TEAD4: variants seen among roughly 807,000 people sequenced by gnomAD.
TEAD4 encodes TEA domain transcription factor 4, also known as transcriptional enhancer factor TEF-3.
Under a neutral mutation model 52.4 loss-of-function variants are expected in TEAD4, and 36 were observed. That is an observed-to-expected ratio of 0.69 (90% CI 0.53 to 0.91). The LOEUF (loss-of-function observed/expected upper bound fraction) is 0.91. TEAD4 is among the 40% of genes least tolerant of loss of function. The probability of loss-of-function intolerance (pLI) is 0.00; values close to 1 mark genes in which losing one functional copy is unlikely to be tolerated. For missense variants in TEAD4, 508 were observed against 583.9 expected (o/e 0.87, Z 1.34); for synonymous variants, 220 against 231.0 (o/e 0.95, Z 0.43).
At chr12:3,013,896 A>G (rs2098262369) in intron 5 of TEAD4, among the ~76,000 whole-genome samples, 1 of 151,982 alleles carries the variant, frequency 6.6e-6, no homozygotes, top group African/African-American at 2.4e-5. Flanking sequence ...TATTTTTTAT[A>G]TTAAAGAAAA....
At chr12:2,963,237 T>G (rs191544200) in intron 2 of TEAD4, among the ~76,000 whole-genome samples, 1 of 152,362 alleles carries the variant, frequency 6.6e-6, no homozygotes, top group East Asian at 1.9e-4. Flanking sequence ...TCTGGAGTCT[T>G]GCCCCGGTGA....
chr12:2,996,909 G>A (rs1446105825), intron 3 of TEAD4, among the ~76,000 whole-genome samples: 2 of 152,118 alleles, frequency 1.3e-5, no homozygotes, highest in Admixed American at 6.6e-5. Context: ...CACCATGCCC[G>A]GCCTTGCATC....
At chr12:2,998,155 A>G (rs1034900482) in intron 3 of TEAD4, among the ~76,000 whole-genome samples, 9 of 152,226 alleles carry the variant, frequency 5.9e-5, no homozygotes, top group African/African-American at 1.9e-4. Context: ...GTTTATCTGT[A>G]TTATAACCTA....
intron 10 of TEAD4, among the ~76,000 whole-genome samples, chr12:3,034,281 G>C (rs1389372924): frequency 6.6e-6 from 1 of 152,106 alleles, no homozygotes; most frequent in Non-Finnish European, 1.5e-5. Flanking sequence ...CTCAGGGTGA[G>C]CAGGACAGGG....
chr12:2,967,622 G>A lies in TEAD4; in HGVS notation c.-30+7582G>A, dbSNP rs142921672. On this transcript the variant is annotated intron_variant, in intron 2 of 12. Transcript: ENST00000359864. ...GACTTACTCTTCATTCATGTTGAGG[G>A]AAAAGGCTTGGGGTTTTGGGCTGAA... Among the ~76,000 whole-genome samples, 1,073 of 152,298 alleles carry A rather than the reference G, an allele frequency of 7.0e-3. 4 individuals are homozygous for A. The highest frequency in any genetic ancestry group is 0.017 in the Middle Eastern group (5 of 294).
intron 2 of TEAD4, among the ~76,000 whole-genome samples, chr12:2,965,719 AT>A (rs1260223049): frequency 2.7e-5 from 4 of 150,804 alleles, no homozygotes; most frequent in African/African-American, 7.4e-5. Context: ...ATTTTTTTGT[AT>A]TTTTTAGTAG....
At chr12:2,969,367 A>G (rs2098223266) in intron 2 of TEAD4, among the ~76,000 whole-genome samples, 1 of 152,242 alleles carries the variant, frequency 6.6e-6, no homozygotes. Context: ...ACCGTTTTAT[A>G]TGAGGGACTT....
rs189930559 is a variant in TEAD4 at position 3,031,970 on chromosome 12, A to G, written c.898-5998A>G. 3.5e-3 allele frequency among the ~76,000 whole-genome samples: 540 copies of G among 152,286 alleles called. 20 individuals carry two copies. Among genetic ancestry groups the G allele is most frequent in the Non-Finnish European group, 7.2e-4 (49 of 68,018 alleles). The stretch of plus-strand genomic sequence containing the variant: ...GAGAAGGCTCTGAATTGTCTAAAAC[A>G]GATCCCCAGCCCCCTGAGGAACAGC... On this transcript the variant is annotated intron_variant, in intron 10 of 12. Coordinates refer to ENST00000359864, the MANE Select transcript of TEAD4 (RefSeq NM_003213.4).
At chr12:3,019,308 C>T (rs1045060098) in intron 8 of TEAD4, 138 bp downstream of exon 8, 3 of 960,738 alleles carry the variant, frequency 3.1e-6, no homozygotes, top group Admixed American at 2.0e-5. Context: ...ACGTCCTAGT[C>T]CCTGGCCACA....
chr12:3,026,298 T>C (rs2098272059), intron 10 of TEAD4, among the ~76,000 whole-genome samples: 1 of 151,618 alleles, frequency 6.6e-6, no homozygotes, highest in Non-Finnish European at 1.5e-5. Context: ...TTCTGACTCT[T>C]TTCTGAATTA....
At chr12:3,032,357 G>A (rs977557982) in intron 10 of TEAD4, among the ~76,000 whole-genome samples, 5 of 152,114 alleles carry the variant, frequency 3.3e-5, no homozygotes, top group Non-Finnish European at 2.9e-5. Context: ...CGGCTTCCAG[G>A]AGCTCGCACT....
intron 8 of TEAD4, among the ~76,000 whole-genome samples, chr12:3,019,868 A>G (rs759247797): frequency 1.3e-5 from 2 of 152,034 alleles, no homozygotes; most frequent in African/African-American, 2.4e-5. Flanking sequence ...ACAAAGTCAC[A>G]GCGTCAGGTC....
intron 3 of TEAD4, among the ~76,000 whole-genome samples, chr12:2,995,687 A>G (rs1485810180): frequency 1.3e-5 from 2 of 152,072 alleles, no homozygotes; most frequent in Non-Finnish European, 2.9e-5. Flanking sequence ...TGACTTTTGG[A>G]TGGAAGAGGG....
chr12:3,040,450 A>C lies in TEAD4; in HGVS notation c.1277A>C (p.His426Pro). The C allele has an allele frequency of 6.2e-7, 1 of 1,614,124 alleles. No individual in the cohort carries two copies. Among genetic ancestry groups the C allele is most frequent in the Non-Finnish European group, 8.5e-7 (1 of 1,180,014 alleles). ...TCAGCCAGTGAGCACGGGGCTCAGC[A>C]CCACATCTACAGGCTGGTGAAAGAA... Residue 426 changes from histidine (H) to proline (P), a missense_variant, in exon 13 of 13, where the codon CAC (histidine) becomes CCC (proline). His to Pro is a moderately conservative substitution (Grantham distance 77). Coordinates refer to ENST00000359864, the MANE Select transcript of TEAD4 (RefSeq NM_003213.4).
intron 3 of TEAD4, among the ~76,000 whole-genome samples, chr12:3,002,832 C>T (rs1262702959): frequency 2.0e-5 from 3 of 151,996 alleles, no homozygotes; most frequent in East Asian, 3.9e-4. Context: ...CTTGGGGCTT[C>T]CTGGAGCTGT....
At chr12:2,971,922 C>T (rs1357727404) in intron 2 of TEAD4, among the ~76,000 whole-genome samples, 1 of 147,642 alleles carries the variant, frequency 6.8e-6, no homozygotes, top group Non-Finnish European at 1.5e-5. Flanking sequence ...AAGTGATTCT[C>T]CTGCCTCAGC....
rs1156825318 is a variant in TEAD4 at position 2,994,287 on chromosome 12, G to T, written c.-29-451G>T. On this transcript the variant is annotated intron_variant, in intron 2 of 12. Transcript: ENST00000359864. The surrounding 1 kb of genome is among the most constrained non-coding windows in gnomAD (Gnocchi z 4.7). The stretch of plus-strand genomic sequence containing the variant: ...AACGGGGTTTCACCATGTTGGCCAG[G>T]CTGGTCTCGAGTTCCTGACCTCAAG... Among the ~76,000 whole-genome samples the T allele has an allele frequency of 2.6e-5, 4 of 152,154 alleles. No individual in the cohort carries two copies. The East Asian group carries it at 7.8e-4, about 30-fold the overall frequency.
chr12:2,963,075 C>G (rs947402872), intron 2 of TEAD4, among the ~76,000 whole-genome samples: 1 of 152,204 alleles, frequency 6.6e-6, no homozygotes, highest in Non-Finnish European at 1.5e-5. Context: ...GGGGAAGGAG[C>G]CATCTCACTG....
At chr12:2,977,906 C>T (rs1294855713) in intron 2 of TEAD4, among the ~76,000 whole-genome samples, 1 of 152,216 alleles carries the variant, frequency 6.6e-6, no homozygotes, top group African/African-American at 2.4e-5. Flanking sequence ...CAGGCCCTGG[C>T]CCTTCCGAAA....
Sources: allele counts gnomAD v4.1 joint callset (sites outside exome capture counted in the v4.1 genomes callset), GRCh38; gene constraint gnomAD v4.1.1; non-coding constraint Gnocchi (gnomAD v3.1); transcripts MANE v1.5; gene names NCBI Gene and HGNC (gene_info 2026-07-23, HGNC 2026-07-21).